Variants in FERRY3 observed in about 807,000 individuals in gnomAD.
FERRY3 encodes protein C12orf4.
At chr12:4,534,002 T>C in the FERRY3 span, 1 of 723,652 alleles carries the variant, frequency 1.4e-6, no homozygotes, top group Non-Finnish European at 2.0e-6. Flanking sequence ...CTCACCCTGA[T>C]ATAGGAAGCA....
the FERRY3 span, among the ~76,000 whole-genome samples, chr12:4,497,840 T>G: frequency 1.3e-5 from 2 of 152,224 alleles, no homozygotes; most frequent in African/African-American, 2.4e-5. Context: ...TTCATTTTCT[T>G]GCACACACTA....
chr12:4,525,950 A>G, the FERRY3 span, among the ~76,000 whole-genome samples: 1 of 152,170 alleles, frequency 6.6e-6, no homozygotes, highest in Admixed American at 6.5e-5. Context: ...TTTCAGCTTA[A>G]ATGGATTTTC....
the FERRY3 span, among the ~76,000 whole-genome samples, chr12:4,504,413 A>AAT: frequency 6.6e-6 from 1 of 152,238 alleles, no homozygotes; most frequent in South Asian, 2.1e-4. Flanking sequence ...ACTAAGGGTC[A>AAT]TCAGAGTGAA....
At chr12:4,497,045 A>G in the FERRY3 span, among the ~76,000 whole-genome samples, 4 of 152,350 alleles carry the variant, frequency 2.6e-5, no homozygotes, top group African/African-American at 9.6e-5. Flanking sequence ...TATTTTGACA[A>G]GCTAATTCTC....
At chr12:4,517,710 CAGAGAGAGAG>C in the FERRY3 span, among the ~76,000 whole-genome samples, 12 of 132,302 alleles carry the variant, frequency 9.1e-5, no homozygotes, top group Middle Eastern at 4.2e-3. Context: ...TATATATAGA[CAGAGAGAGAG>C]AGAGAGAGAG....
At chr12:4,517,161 A>G in the FERRY3 span, 1 of 1,576,648 alleles carries the variant, frequency 6.3e-7, no homozygotes, top group Non-Finnish European at 8.6e-7. Flanking sequence ...AATGGAAGTC[A>G]GTGCATTCTT....
the FERRY3 span, among the ~76,000 whole-genome samples, chr12:4,491,921 C>T: frequency 2.0e-5 from 3 of 152,122 alleles, no homozygotes; most frequent in African/African-American, 4.8e-5. Context: ...ATCTTTTGCA[C>T]TCTTAAATAT....
chr12:4,525,666 A>G, the FERRY3 span: 2 of 989,822 alleles, frequency 2.0e-6, no homozygotes, highest in Admixed American at 5.3e-5. Context: ...CAATCTCTAT[A>G]AAGTGAAAAT....
At chr12:4,508,649 G>A in the FERRY3 span, among the ~76,000 whole-genome samples, 47 of 152,124 alleles carry the variant, frequency 3.1e-4, no homozygotes, top group Non-Finnish European at 5.9e-4. Flanking sequence ...GGAGGCTGAG[G>A]CACGAGAATT....
chr12:4,535,348 T>C, the FERRY3 span, among the ~76,000 whole-genome samples: 1 of 152,240 alleles, frequency 6.6e-6, no homozygotes, highest in Non-Finnish European at 1.5e-5. The surrounding 1 kb of genome is among the most constrained non-coding windows in gnomAD (Gnocchi z 4.0). Flanking sequence ...TTGCAGGTGA[T>C]GCTGTTGCTG....
the FERRY3 span, chr12:4,530,115 A>G: frequency 6.9e-7 from 1 of 1,451,618 alleles, no homozygotes; most frequent in Non-Finnish European, 9.4e-7. Context: ...ACACTACTAG[A>G]AAAGTATGTA....
the FERRY3 span, among the ~76,000 whole-genome samples, chr12:4,504,212 C>T: frequency 4.8e-4 from 73 of 152,176 alleles, no homozygotes; most frequent in East Asian, 0.011. Flanking sequence ...CACTGAGTGA[C>T]GGCGGTTTCG....
At chr12:4,490,411 G>A in the FERRY3 span, 61 of 745,392 alleles carry the variant, frequency 8.2e-5, no homozygotes, top group East Asian at 1.2e-3. Context: ...AACAGAAAGC[G>A]ATTAGCCTTT....
the FERRY3 span, chr12:4,505,172 C>T: frequency 2.1e-5 from 14 of 654,446 alleles, no homozygotes; most frequent in South Asian, 3.4e-5. Context: ...TATATAGGTA[C>T]AAAGTGTTGT....
chr12:4,524,168 A>C, the FERRY3 span, among the ~76,000 whole-genome samples: 2 of 152,102 alleles, frequency 1.3e-5, no homozygotes, highest in Non-Finnish European at 2.9e-5. Flanking sequence ...TTCTGACTAC[A>C]ATATACAGTA....
the FERRY3 span, among the ~76,000 whole-genome samples, chr12:4,497,678 A>G: frequency 4.6e-5 from 7 of 152,252 alleles, no homozygotes; most frequent in African/African-American, 1.7e-4. Flanking sequence ...GACTCCAATA[A>G]GACAGTATCT....
chr12:4,510,652 G>C, the FERRY3 span, among the ~76,000 whole-genome samples: 1 of 148,936 alleles, frequency 6.7e-6, no homozygotes, highest in African/African-American at 2.5e-5. Flanking sequence ...ACTAAGCTTC[G>C]TAAGTGAAGG....
At chr12:4,510,689 A>C in the FERRY3 span, among the ~76,000 whole-genome samples, 2 of 150,326 alleles carry the variant, frequency 1.3e-5, no homozygotes, top group Non-Finnish European at 3.0e-5. Context: ...ACAGACAAGC[A>C]AATGCTGAGA....
the FERRY3 span, among the ~76,000 whole-genome samples, chr12:4,493,541 A>G: frequency 6.7e-6 from 1 of 150,000 alleles, no homozygotes; most frequent in African/African-American, 2.5e-5. Flanking sequence ...CTAAAAAGTA[A>G]AGAATCCTCT....
Sources: allele counts gnomAD v4.1 joint callset (sites outside exome capture counted in the v4.1 genomes callset), GRCh38; gene constraint gnomAD v4.1.1; non-coding constraint Gnocchi (gnomAD v3.1); transcripts MANE v1.5; gene names NCBI Gene and HGNC (gene_info 2026-07-23, HGNC 2026-07-21).